Variants in CNTN4 observed in about 807,000 individuals in gnomAD.
CNTN4 encodes contactin-4.
CNTN4 carries 77 observed loss-of-function variants against 122.5 expected under a neutral mutation model. The observed-to-expected ratio is 0.63, with a 90% CI of 0.52 to 0.76. The LOEUF is 0.76. Ranked by LOEUF, CNTN4 falls within the 30% of genes least tolerant of loss-of-function variation. The pLI, the probability that CNTN4 is intolerant of heterozygous loss-of-function variation, is 0.00. For missense variants in CNTN4, 1,256 were observed against 1,259.1 expected, an observed-to-expected ratio of 1.00 and a Z score of 0.04; for synonymous variants, 512 against 447.0, an observed-to-expected ratio of 1.15 and a Z score of -1.83.
chr3:2,620,164 G>C (rs2081940630), intron 4 of CNTN4, among the ~76,000 whole-genome samples: 1 of 152,118 alleles, frequency 6.6e-6, no homozygotes, highest in African/African-American at 2.4e-5. Flanking sequence ...ACTTACTTTA[G>C]CTCAGTTACT....
chr3:2,268,902 T>A, intron 2 of CNTN4, among the ~76,000 whole-genome samples: 1 of 152,114 alleles, frequency 6.6e-6, no homozygotes, highest in East Asian at 1.9e-4. Context: ...TTTCTCCTCC[T>A]TTTTATATAT....
chr3:2,675,101 G>GT (rs1367169951), intron 4 of CNTN4, among the ~76,000 whole-genome samples: 1 of 151,674 alleles, frequency 6.6e-6, no homozygotes, highest in African/African-American at 2.4e-5. Context: ...ACAATCAGCA[G>GT]TGGAGAGACA....
intron 2 of CNTN4, among the ~76,000 whole-genome samples, chr3:2,169,493 G>A (rs2036351627): frequency 6.6e-6 from 1 of 151,734 alleles, no homozygotes; most frequent in Middle Eastern, 3.4e-3. Flanking sequence ...TGCAAGCTCC[G>A]CCTCCCGGGT....
chr3:2,846,773 G>A (rs1230621220), intron 7 of CNTN4, among the ~76,000 whole-genome samples: 1 of 152,274 alleles, frequency 6.6e-6, no homozygotes, highest in Non-Finnish European at 1.5e-5. Flanking sequence ...GAGGCAGGCC[G>A]ATCACCTGAG....
intron 4 of CNTN4, among the ~76,000 whole-genome samples, chr3:2,581,261 A>G (rs1440338310): frequency 6.6e-6 from 1 of 152,232 alleles, no homozygotes; most frequent in East Asian, 2.0e-4. Flanking sequence ...TTTCTCAGCT[A>G]AAGCTATACC....
chr3:2,099,882 GTATATGTTTTAC>G (rs2031763627), intron 1 of CNTN4: 1 of 152,308 alleles, frequency 6.6e-6, no homozygotes. Context: ...TGTGCTTCGT[GTATATGTTTTAC>G]TATTTATGAA....
intron 4 of CNTN4, among the ~76,000 whole-genome samples, chr3:2,732,937 T>G (rs1302582682): frequency 2.0e-5 from 3 of 152,204 alleles, no homozygotes; most frequent in African/African-American, 4.8e-5. Context: ...GCAGTGAGCT[T>G]GGTTAACTAT....
Position 2,415,052 on chromosome 3 carries a change from A to G in CNTN4, c.-89+75819A>G, listed in dbSNP as rs139573133. ...TATAATACAAGTGTAGGTTTAATCA[A>G]TTTCTATTTTGGTAACTCATTTAAG... On this transcript the variant is annotated intron_variant, in intron 3 of 24. Transcript: ENST00000418658. Among the ~76,000 whole-genome samples the G allele has an allele frequency of 2.0e-4, 30 of 152,226 alleles. 1 individual carries two copies. In the East Asian group the frequency reaches 3.3e-3, roughly 17 times the overall value.
In CNTN4 at chr3:2,968,952, A is replaced by G. The variant is rs1172956820; in HGVS notation, c.1359-19393A>G. 2.6e-5 allele frequency among the ~76,000 whole-genome samples: 4 copies of G among 152,222 alleles called. 1 individual carries two copies. Among genetic ancestry groups the G allele is most frequent in the African/African-American group, 9.7e-5 (4 of 41,448 alleles). On this transcript the variant is annotated intron_variant, in intron 13 of 24. Coordinates refer to ENST00000418658, the MANE Select transcript of CNTN4 (RefSeq NM_175607.3). ...GAAATCCAACCCAAACTGGCTTATG[A>G]GGCATTTTTGACAACTTTATTGAAG... is the stretch of plus-strand genomic sequence containing the variant.
rs539610530 is a variant in CNTN4, at chr3:2,743,068, G to T, written c.183-2454G>T. On this transcript the variant is annotated intron_variant, in intron 5 of 24. Transcript: ENST00000418658. ...ATTTTAGTTGAGATGACTAGTGTAG[G>T]AAAACCTACAGAGGAGCTCTCATTA... Among the ~76,000 whole-genome samples, 26 of 152,240 alleles carry T rather than the reference G, an allele frequency of 1.7e-4. No individual in the cohort carries two copies. The South Asian group carries it at 5.0e-3, about 29-fold the overall frequency.
In CNTN4 at chr3:2,122,070, G is replaced by T. The variant is rs533721627; in HGVS notation, c.-145+21431G>T. On this transcript the variant is annotated intron_variant, in intron 2 of 24. Transcript: ENST00000418658. ...CTCGGGAGGCTGAGGCAGGAGAATGGCGGGAACCCGGGAGGCGGAGCTTGC... is the reference window on the plus strand; with the variant it reads ...CTCGGGAGGCTGAGGCAGGAGAATGTCGGGAACCCGGGAGGCGGAGCTTGC... 9.3e-4 allele frequency among the ~76,000 whole-genome samples: 141 copies of T among 151,966 alleles called. 1 individual carries two copies. The highest frequency in any genetic ancestry group is 3.3e-3 in the African/African-American group (136 of 41,456).
intron 2 of CNTN4, among the ~76,000 whole-genome samples, chr3:2,266,065 T>A (rs947794359): frequency 1.3e-5 from 2 of 152,164 alleles, no homozygotes; most frequent in Non-Finnish European, 2.9e-5. Flanking sequence ...TTCTTTTTCT[T>A]TCCTAACAGC....
intron 6 of CNTN4, among the ~76,000 whole-genome samples, chr3:2,783,376 G>A (rs559257674): frequency 2.6e-5 from 4 of 152,286 alleles, no homozygotes; most frequent in Admixed American, 1.3e-4. Context: ...GCTGCAGTCT[G>A]AATGCTATTA....
chr3:2,535,461 T>G (rs1232504551), intron 3 of CNTN4, among the ~76,000 whole-genome samples: 1 of 152,202 alleles, frequency 6.6e-6, no homozygotes, highest in Non-Finnish European at 1.5e-5. Context: ...TTTTCACTTT[T>G]CTCCTTCAAC....
At chr3:2,203,172 ATT>A (rs1373554543) in intron 2 of CNTN4, among the ~76,000 whole-genome samples, 1 of 152,040 alleles carries the variant, frequency 6.6e-6, no homozygotes, top group Admixed American at 6.6e-5. Context: ...ACATATGTGT[ATT>A]TCTATACATG....
At chr3:2,658,242 G>A (rs1465647237) in intron 4 of CNTN4, among the ~76,000 whole-genome samples, 4 of 151,548 alleles carry the variant, frequency 2.6e-5, no homozygotes, top group Admixed American at 2.6e-4. Flanking sequence ...CGGCAGGGTG[G>A]GAAGTGCTCT....
intron 4 of CNTN4, among the ~76,000 whole-genome samples, chr3:2,624,377 T>A (rs1433752149): frequency 1.3e-5 from 2 of 151,994 alleles, no homozygotes; most frequent in Non-Finnish European, 2.9e-5. Context: ...GAGAGAAAAA[T>A]TTCTACTTTG....
At chr3:2,205,002 G>C (rs919571133) in intron 2 of CNTN4, among the ~76,000 whole-genome samples, 21 of 152,106 alleles carry the variant, frequency 1.4e-4, no homozygotes, top group African/African-American at 4.6e-4. Context: ...ACAGATACAG[G>C]TTGGGAATTA....
chr3:2,103,250 C>T (rs756344471), intron 2 of CNTN4, among the ~76,000 whole-genome samples: 17 of 150,906 alleles, frequency 1.1e-4, no homozygotes, highest in Middle Eastern at 3.2e-3. Context: ...TTACTTTTGC[C>T]TATATATAAA....
Sources: allele counts gnomAD v4.1 joint callset (sites outside exome capture counted in the v4.1 genomes callset), GRCh38; gene constraint gnomAD v4.1.1; transcripts MANE v1.5; gene names NCBI Gene and HGNC (gene_info 2026-07-23, HGNC 2026-07-21).